Variants in SHISAL1 observed in about 807,000 individuals in gnomAD.
SHISAL1 encodes shisa like 1.
SHISAL1 carries 9 observed loss-of-function variants against 22.6 expected under a neutral mutation model. The observed-to-expected ratio is 0.40, with a 90% CI of 0.24 to 0.70. The LOEUF (loss-of-function observed/expected upper bound fraction) is 0.70. Ranked by LOEUF, SHISAL1 falls within the 30% of genes least tolerant of loss-of-function variation. The pLI, the probability that SHISAL1 is intolerant of heterozygous loss-of-function variation, is 0.39. For synonymous variants in SHISAL1, 119 were observed against 115.4 expected (o/e 1.03, Z -0.20); for missense variants, 246 against 270.6 (o/e 0.91, Z 0.64).
At chr22:44,327,555 C>A in the SHISAL1 span, among the ~76,000 whole-genome samples, 2 of 152,094 alleles carry the variant, frequency 1.3e-5, no homozygotes, top group African/African-American at 4.8e-5. Flanking sequence ...TAGAGTCAAT[C>A]GTTAAACAGG....
At chr22:44,290,529 C>CAAAAAAAAAAAAAAAAAAAA (rs546640216) in intron 3 of SHISAL1, among the ~76,000 whole-genome samples, 58 of 84,248 alleles carry the variant, frequency 6.9e-4, no homozygotes, top group African/African-American at 2.5e-3. Flanking sequence ...AACTCAGTCT[C>CAAAAAAAAAAAAAAAAAAAA]AAAAAAAAAA....
intron 4 of SHISAL1, among the ~76,000 whole-genome samples, chr22:44,264,083 C>T (rs2055145268): frequency 6.6e-6 from 1 of 152,182 alleles, no homozygotes; most frequent in Non-Finnish European, 1.5e-5. Context: ...GGTGCGTCCA[C>T]ACAATGCAAA....
intron 1 of SHISAL1, 104 bp from the exon 2 acceptor site, chr22:44,301,081 C>T (rs1005407157): frequency 3.8e-5 from 27 of 705,482 alleles, no homozygotes; most frequent in Admixed American, 9.8e-5. Context: ...GGCAGGAGAG[C>T]GAGTTTGTCG....
At chr22:44,330,160 G>C in the SHISAL1 span, among the ~76,000 whole-genome samples, 2,875 of 152,322 alleles carry the variant, frequency 0.019, 28 homozygotes, top group South Asian at 0.03. Context: ...AGCTGCCTGG[G>C]GTCACACAGC....
Position 44,245,268 on chromosome 22 carries a change from T to A in SHISAL1, c.*4417A>T, listed in dbSNP as rs2054989336. On this transcript the variant is annotated 3_prime_UTR_variant, in exon 5 of 5. Coordinates refer to ENST00000381176, the MANE Select transcript of SHISAL1 (RefSeq NM_001099294.2). The stretch of plus-strand genomic sequence containing the variant: ...GTGATAGGGGGCCCTTCAACATTGA[T>A]AAGACATGTTCCCAATAACTCCATC... The A allele has an allele frequency of 6.6e-6, 1 of 152,236 alleles. No individual in the cohort carries two copies. The highest frequency in any genetic ancestry group is 1.5e-5 in the Non-Finnish European group (1 of 68,054). 9.4% of individuals were successfully genotyped at this position (152,236 alleles called of 1,614,324 possible). A position where few individuals can be genotyped will look rare whatever the true frequency, so the allele number is the denominator to read the frequency against.
At chr22:44,300,108 GAC>G in intron 2 of SHISAL1, among the ~76,000 whole-genome samples, 1 of 146,064 alleles carries the variant, frequency 6.8e-6, no homozygotes, top group East Asian at 1.9e-4. Context: ...CAGAGAGACA[GAC>G]AGAGAGACAG....
At position 44,245,706 on chromosome 22, in the gene SHISAL1, G is replaced by A. The variant is rs3788608; in HGVS notation, c.*3979C>T. ...CAAGCACAGCCACACCCACAGCCCT[G>A]GTCTGTTTGCCATGACCTGAAGAGA... On this transcript the variant is annotated 3_prime_UTR_variant, in exon 5 of 5. Transcript: ENST00000381176. 11,531 of 152,252 alleles carry A rather than the reference G, an allele frequency of 0.076. 528 individuals are homozygous for A. Among genetic ancestry groups the A allele is most frequent in the East Asian group, 0.12 (627 of 5,166 alleles). The allele number at this position is 152,252 out of a possible 1,614,324, so 9.4% of individuals were successfully genotyped here. A position where few individuals can be genotyped will look rare whatever the true frequency, so the allele number is the denominator to read the frequency against.
At chr22:44,303,095 G>C (rs779595158) in intron 1 of SHISAL1, among the ~76,000 whole-genome samples, 3 of 152,068 alleles carry the variant, frequency 2.0e-5, no homozygotes, top group Non-Finnish European at 4.4e-5. Context: ...GTGTAACAGC[G>C]TCGTCCTCCC....
intron 4 of SHISAL1, among the ~76,000 whole-genome samples, chr22:44,273,528 A>G (rs568507251): frequency 6.6e-6 from 1 of 152,364 alleles, no homozygotes; most frequent in Admixed American, 6.5e-5. Flanking sequence ...GTGTTTAACA[A>G]CAGGCTCCCA....
At chr22:44,261,996 G>GCTGGGT (rs59779674) in intron 4 of SHISAL1, among the ~76,000 whole-genome samples, 70,466 of 151,718 alleles carry the variant, frequency 0.46, 16,746 homozygotes, top group South Asian at 0.54. Flanking sequence ...CTGGGCTGGG[G>GCTGGGT]GCTCAGAACT....
chr22:44,285,380 C>G, intron 4 of SHISAL1, 48 bp downstream of exon 4: 1 of 1,590,898 alleles, frequency 6.3e-7, no homozygotes, highest in Non-Finnish European at 8.6e-7. Context: ...CCAAGCTCTC[C>G]AAAGACAATG....
intron 4 of SHISAL1, among the ~76,000 whole-genome samples, chr22:44,278,132 C>T (rs2055252548): frequency 1.3e-5 from 2 of 152,154 alleles, no homozygotes; most frequent in African/African-American, 2.4e-5. Context: ...TGGGTGGGCA[C>T]CATCTAATCA....
At chr22:44,256,825 C>T (rs1336636880) in intron 4 of SHISAL1, among the ~76,000 whole-genome samples, 1 of 152,096 alleles carries the variant, frequency 6.6e-6, no homozygotes, top group Non-Finnish European at 1.5e-5. Flanking sequence ...CTACAGAAAT[C>T]AGGAAGCCTC....
the SHISAL1 span, among the ~76,000 whole-genome samples, chr22:44,322,377 GC>G: frequency 6.6e-6 from 1 of 152,136 alleles, no homozygotes; most frequent in Non-Finnish European, 1.5e-5. Context: ...TGCCCCAGGT[GC>G]CCCCTCTACC....
intron 3 of SHISAL1, among the ~76,000 whole-genome samples, chr22:44,290,484 G>A (rs1435381305): frequency 6.8e-6 from 1 of 147,480 alleles, no homozygotes; most frequent in Non-Finnish European, 1.5e-5. Context: ...AGCTGTGATT[G>A]TGCCATTGTA....
At chr22:44,289,731 C>T (rs1043277589) in intron 3 of SHISAL1, among the ~76,000 whole-genome samples, 17 of 152,214 alleles carry the variant, frequency 1.1e-4, no homozygotes, top group Admixed American at 1.0e-3. Flanking sequence ...CACGGCTGGC[C>T]CTCCCTGTGG....
chr22:44,248,065 C>T lies in SHISAL1; in HGVS notation c.*1620G>A, dbSNP rs2055018198. 6.6e-6 allele frequency: 1 copy of T among 152,294 alleles called. No homozygotes were observed. The highest frequency in any genetic ancestry group is 2.1e-4 in the South Asian group (1 of 4,832). The allele number at this position is 152,294 out of a possible 1,614,324, so 9.4% of individuals were successfully genotyped here. A position where few individuals can be genotyped will look rare whatever the true frequency, so the allele number is the denominator to read the frequency against. Reference sequence around the variant, plus strand: ...ATCTGCTCAAGGCGGCCTTCCCAGACCACCCCAGGTCCACAAGGGTCTCAC... The same window carrying T: ...ATCTGCTCAAGGCGGCCTTCCCAGATCACCCCAGGTCCACAAGGGTCTCAC... On this transcript the variant is annotated 3_prime_UTR_variant, in exon 5 of 5. Transcript: ENST00000381176.
intron 4 of SHISAL1, among the ~76,000 whole-genome samples, chr22:44,273,883 AC>A (rs368209606): frequency 1.3e-5 from 2 of 152,234 alleles, no homozygotes; most frequent in African/African-American, 4.8e-5. Context: ...CAATTAATTA[AC>A]AAATGAAAGG....
At chr22:44,329,009 C>T in the SHISAL1 span, among the ~76,000 whole-genome samples, 5 of 152,234 alleles carry the variant, frequency 3.3e-5, no homozygotes, top group Admixed American at 2.0e-4. Context: ...CTGGACCAAG[C>T]TCCCCTGGCC....
Sources: allele counts gnomAD v4.1 joint callset (sites outside exome capture counted in the v4.1 genomes callset), GRCh38; gene constraint gnomAD v4.1.1; transcripts MANE v1.5; gene names NCBI Gene and HGNC (gene_info 2026-07-23, HGNC 2026-07-21).